RFC1: variants seen among roughly 807,000 people sequenced by gnomAD.
RFC1 encodes A1 140 kDa subunit.
A neutral mutation model predicts 137.4 loss-of-function variants in RFC1; 37 were observed. The ratio of observed to expected loss-of-function variants is 0.27; its 90% CI spans 0.21 to 0.35. The LOEUF (loss-of-function observed/expected upper bound fraction) is 0.35. Among genes scored for constraint, RFC1 ranks in the 10% least tolerant of loss-of-function variants. RFC1 has a pLI of 1.00. For missense variants in RFC1, 1,205 were observed against 1,358.5 expected, an observed-to-expected ratio of 0.89 and a Z score of 1.78; for synonymous variants, 429 against 455.7, an observed-to-expected ratio of 0.94 and a Z score of 0.75.
chr4:39,317,496 A>G (rs1739299985), intron 9 of RFC1, among the ~76,000 whole-genome samples: 1 of 152,200 alleles, frequency 6.6e-6, no homozygotes, highest in African/African-American at 2.4e-5. Context: ...TAAGCATTCC[A>G]GTAGGAGAAT....
intron 1 of RFC1, among the ~76,000 whole-genome samples, chr4:39,360,012 A>G: frequency 6.6e-6 from 1 of 152,002 alleles, no homozygotes; most frequent in East Asian, 1.9e-4. Context: ...CCAAAAACCC[A>G]TGGAAATAAA....
At chr4:39,358,769 C>G (rs1490507122) in intron 1 of RFC1, among the ~76,000 whole-genome samples, 1 of 152,148 alleles carries the variant, frequency 6.6e-6, no homozygotes, top group Non-Finnish European at 1.5e-5. Flanking sequence ...AACTTTGTAT[C>G]CAATGTTAGG....
At chr4:39,348,015 T>C (rs1291765346) in intron 2 of RFC1, among the ~76,000 whole-genome samples, 1 of 152,184 alleles carries the variant, frequency 6.6e-6, no homozygotes, top group South Asian at 2.1e-4. Flanking sequence ...TCCTCCTGAC[T>C]GCTTGTAGTC....
intron 10 of RFC1, among the ~76,000 whole-genome samples, chr4:39,315,165 T>C (rs760059226): frequency 6.6e-6 from 1 of 152,254 alleles, no homozygotes; most frequent in Non-Finnish European, 1.5e-5. Context: ...CTGCCTCCAC[T>C]GTCCTTAGCT....
chr4:39,327,623 T>A lies in RFC1; in HGVS notation c.465A>T (p.Leu155Phe), dbSNP rs1442148992. The A allele has an allele frequency of 6.2e-7, 1 of 1,613,680 alleles. No homozygotes were observed. Among genetic ancestry groups the A allele is most frequent in the Non-Finnish European group, 8.5e-7 (1 of 1,179,834 alleles). ...ATGTGGGTGTAAGTTTTATTGGTGA[T>A]AAAGGCTTATTCTTGGTCTTAGTGT... ...EENTKTKNKP[L>F]SPIKLTPTSV... Residue 155 changes from leucine to phenylalanine, a missense_variant, in exon 5 of 25, where the codon TTA becomes TTT. By Grantham distance (22) the Leu-to-Phe change is conservative. Coordinates refer to ENST00000349703, the MANE Select transcript of RFC1 (RefSeq NM_002913.5).
chr4:39,320,501 T>C lies in RFC1; in HGVS notation c.977A>G (p.Glu326Gly), dbSNP rs777544130. The C allele has an allele frequency of 6.2e-7, 1 of 1,611,698 alleles. No homozygotes were observed. Among genetic ancestry groups the C allele is most frequent in the Non-Finnish European group, 8.5e-7 (1 of 1,179,500 alleles). ...CTCTATTTCTTTATAAGAGCTCTCT[T>C]CTTTTCTTTTCATAATTGCCAGCTT... ...SSKLAIMKRK[E>G]ESSYKEIEPV... Residue 326 changes from glutamate (E) to glycine (G), a missense_variant, in exon 9 of 25, where the codon GAA (glutamate) becomes GGA (glycine). Transcript: ENST00000349703.
chr4:39,324,592 T>C (rs1739670821), intron 6 of RFC1, among the ~76,000 whole-genome samples: 1 of 152,214 alleles, frequency 6.6e-6, no homozygotes, highest in Admixed American at 6.5e-5. Flanking sequence ...GCCAAAGTAA[T>C]AAAATGTGAA....
intron 1 of RFC1, among the ~76,000 whole-genome samples, chr4:39,362,756 C>G (rs1233894546): frequency 6.6e-6 from 1 of 152,032 alleles, no homozygotes; most frequent in Non-Finnish European, 1.5e-5. Context: ...GACAGACATG[C>G]AAGGATGTGG....
chr4:39,311,634 T>C, intron 11 of RFC1, 85 bp from the exon 12 acceptor site: 1 of 879,042 alleles, frequency 1.1e-6, no homozygotes, highest in South Asian at 1.7e-5. Context: ...TTCTAGGGCC[T>C]ATTAGTAGGT....
intron 4 of RFC1, chr4:39,341,756 T>C (rs1346161197): frequency 2.3e-6 from 1 of 433,504 alleles, no homozygotes; most frequent in Non-Finnish European, 4.7e-6. Context: ...CTGGGATCCT[T>C]ACATAAAAGA....
intron 1 of RFC1, among the ~76,000 whole-genome samples, chr4:39,365,171 A>AAC (rs1741961973): frequency 6.6e-6 from 1 of 151,146 alleles, no homozygotes; most frequent in Non-Finnish European, 1.5e-5. Flanking sequence ...AAAAAAAAAA[A>AAC]AAAAACCATG....
At chr4:39,355,098 TAC>T (rs59438877) in intron 1 of RFC1, among the ~76,000 whole-genome samples, 2,384 of 88,958 alleles carry the variant, frequency 0.027, 112 homozygotes, top group African/African-American at 0.1. Flanking sequence ...AAAAAAAAAA[TAC>T]ACACACACAC....
intron 3 of RFC1, among the ~76,000 whole-genome samples, chr4:39,344,113 CAA>C (rs200972830): frequency 6.8e-5 from 7 of 103,618 alleles, no homozygotes; most frequent in African/African-American, 1.4e-4. Flanking sequence ...AATTCCGTCT[CAA>C]AAAAAAAAAA....
In RFC1 at chr4:39,304,764, G is replaced by A. The variant is rs1329666580; in HGVS notation, c.2110+50C>T. 3.9e-6 allele frequency: 4 copies of A among 1,035,808 alleles called. No individual in the cohort carries two copies. In the African/African-American group the frequency reaches 4.7e-5, roughly 12 times the overall value. The allele number at this position is 1,035,808 out of a possible 1,614,324, so 64.2% of individuals were successfully genotyped here. On this transcript the variant is annotated intron_variant, in intron 15 of 24. Coordinates refer to ENST00000349703, the MANE Select transcript of RFC1 (RefSeq NM_002913.5). ...AATACTGGTTACTGAACATTGAAAT[G>A]AACATATTTTTCTTATATAACAACA...
chr4:39,327,647 G>A lies in RFC1; in HGVS notation c.441C>T (p.Asn147=). 1 of 1,613,430 alleles carries A rather than the reference G, an allele frequency of 6.2e-7. No individual in the cohort carries two copies. The highest frequency in any genetic ancestry group is 1.1e-5 in the South Asian group (1 of 91,060). ...ATAAAGGCTTATTCTTGGTCTTAGTGTTTTCTTCATTCTTTTTCATGTTTG... is the reference window on the plus strand; with the variant it reads ...ATAAAGGCTTATTCTTGGTCTTAGTATTTTCTTCATTCTTTTTCATGTTTG... ...GTSNMKKNEE[N]TKTKNKPLSP... The change falls in exon 5 of 25, where the codon AAC becomes AAT. Residue 147 remains asparagine, a synonymous_variant. Coordinates refer to ENST00000349703, the MANE Select transcript of RFC1 (RefSeq NM_002913.5).
intron 22 of RFC1, among the ~76,000 whole-genome samples, chr4:39,294,672 T>TAAAAAA (rs1193684558): frequency 1.2e-5 from 1 of 80,442 alleles, no homozygotes; most frequent in Non-Finnish European, 2.7e-5. Context: ...TCTGTCTCAA[T>TAAAAAA]AAAAAAAAAA....
rs1218853685 is a variant in RFC1, at chr4:39,300,363, G to T, written c.2587C>A (p.His863Asn). The change falls in exon 20 of 25, where the codon CAC becomes AAC. Residue 863 changes from histidine to asparagine, a missense_variant. Physicochemically the swap from His to Asn is moderately conservative, Grantham distance 68. Around this residue, in one of 3 missense-constraint regions of RFC1, gnomAD observed 962 missense variants for 1,035.3 expected, o/e 0.93. Transcript: ENST00000349703. The stretch of plus-strand genomic sequence containing the variant: ...TCTGACTTGTCCACAAGTGACATGT[G>T]AGCAGTCTCCTCTCCAGCTGCAAAC... ...KVFAAGEETA[H>N]MSLVDKSDLF... 6.2e-7 allele frequency: 1 copy of T among 1,613,866 alleles called. No homozygotes were observed. The highest frequency in any genetic ancestry group is 1.3e-5 in the African/African-American group (1 of 74,928).
intron 23 of RFC1, among the ~76,000 whole-genome samples, chr4:39,291,020 T>C (rs375114050): frequency 7.7e-4 from 117 of 152,324 alleles, no homozygotes; most frequent in African/African-American, 2.6e-3. Flanking sequence ...AATTTACTGA[T>C]AACCATAAAG....
At chr4:39,354,749 CAAAAAAAAAAAAAA>C (rs34342477) in intron 1 of RFC1, among the ~76,000 whole-genome samples, 1 of 51,008 alleles carries the variant, frequency 2.0e-5, no homozygotes, top group Non-Finnish European at 3.6e-5. Context: ...GAAACTATCT[CAAAAAAAAAAAAAA>C]AAAAAAAAAA....
Sources: gnomAD v4.1 joint callset for allele counts (sites outside exome capture counted in the v4.1 genomes callset) on GRCh38, gnomAD v4.1.1 for gene constraint, gnomAD v4.1.1 regional missense constraint, MANE v1.5 for transcripts, NCBI Gene and HGNC (gene_info 2026-07-23, HGNC 2026-07-21) for gene names.